Variants in RARB observed in about 807,000 individuals in gnomAD.
RARB encodes retinoic acid receptor beta.
A neutral mutation model predicts 51.9 loss-of-function variants in RARB; 17 were observed. The ratio of observed to expected loss-of-function variants is 0.33; its 90% CI spans 0.22 to 0.49. The LOEUF is 0.49. RARB is among the 20% of genes least tolerant of loss of function. The pLI is 0.99. For synonymous variants in RARB, 215 were observed against 195.4 expected (o/e 1.10, Z -0.84); for missense variants, 369 against 550.8 (o/e 0.67, Z 3.30).
rs577984255 is a variant in RARB, at chr3:25,350,110, AG to A, written c.179-111081del. On this transcript the variant is annotated intron_variant, in intron 5 of 11. Coordinates refer to the RARB transcript ENST00000383772. ...AAGCAGAAACTACCAGACTTTCTGT[AG>A]GCTTAAGCTTGGAACTGGCCCATCA... Among the ~76,000 whole-genome samples the A allele has an allele frequency of 1.7e-3, 266 of 152,250 alleles. 1 individual carries two copies. Among genetic ancestry groups the A allele is most frequent in the African/African-American group, 5.9e-3 (245 of 41,542 alleles).
At chr3:25,388,478 A>G (rs762158255) in intron 5 of RARB, among the ~76,000 whole-genome samples, 61 of 152,334 alleles carry the variant, frequency 4.0e-4, no homozygotes, top group Non-Finnish European at 6.5e-4. Context: ...ATTATGCTTG[A>G]AAGCATTAGT....
chr3:25,213,628 T>A (rs1460767278), intron 5 of RARB, among the ~76,000 whole-genome samples: 2 of 152,214 alleles, frequency 1.3e-5, no homozygotes, highest in African/African-American at 4.8e-5. Context: ...CTTATTAGTT[T>A]CTGCTGAACA....
At chr3:25,563,116 A>G (rs533608550) in intron 3 of RARB, among the ~76,000 whole-genome samples, 46 of 152,288 alleles carry the variant, frequency 3.0e-4, no homozygotes, top group African/African-American at 9.9e-4. Context: ...TCCTTGCTCA[A>G]TTGCTGGCAC....
At chr3:25,371,075 G>A (rs921770873) in intron 5 of RARB, among the ~76,000 whole-genome samples, 10 of 152,060 alleles carry the variant, frequency 6.6e-5, no homozygotes, top group Non-Finnish European at 8.8e-5. Flanking sequence ...GATTTCTCCT[G>A]CAGGTCTTTA....
chr3:25,056,627 C>T (rs985756627), intron 2 of RARB, among the ~76,000 whole-genome samples: 1 of 152,028 alleles, frequency 6.6e-6, no homozygotes, highest in Non-Finnish European at 1.5e-5. Context: ...ATAATGAATT[C>T]TTTAGTATAT....
Position 25,011,664 on chromosome 3 carries a change from C to T in RARB, c.-379-48461C>T, listed in dbSNP as rs578132935. ...GATCCAGGTCATTCATCTGTGCATCCATTCACTTACTCCTCAGCTCTTATC... is the reference window on the plus strand; with the variant it reads ...GATCCAGGTCATTCATCTGTGCATCTATTCACTTACTCCTCAGCTCTTATC... On this transcript the variant is annotated intron_variant, in intron 2 of 11. Coordinates refer to the RARB transcript ENST00000383772. Among the ~76,000 whole-genome samples the T allele has an allele frequency of 2.6e-5, 4 of 152,182 alleles. No homozygotes were observed. The South Asian group carries it at 6.2e-4, about 24-fold the overall frequency.
intron 5 of RARB, among the ~76,000 whole-genome samples, chr3:25,246,175 A>G (rs994221799): frequency 2.0e-5 from 3 of 152,014 alleles, no homozygotes; most frequent in Non-Finnish European, 4.4e-5. Context: ...CCATCAGGTC[A>G]TGTATGTTCT....
At chr3:25,572,484 C>T (rs34693819) in intron 4 of RARB, among the ~76,000 whole-genome samples, 13,996 of 152,102 alleles carry the variant, frequency 0.092, 1,059 homozygotes, top group African/African-American at 0.21. Context: ...CCCCTTGTCT[C>T]TTAGTCAACA....
chr3:25,106,992 C>G (rs568787395), intron 3 of RARB, among the ~76,000 whole-genome samples: 24 of 151,860 alleles, frequency 1.6e-4, no homozygotes, highest in Non-Finnish European at 2.6e-4. Context: ...CCTCCGCCTC[C>G]CGGGTTCAAG....
chr3:25,347,087 T>A (rs533849151), intron 5 of RARB, among the ~76,000 whole-genome samples: 1 of 152,192 alleles, frequency 6.6e-6, no homozygotes, highest in Non-Finnish European at 1.5e-5. Context: ...CGGGAAAACA[T>A]ACCAGATTAC....
chr3:25,112,622 A>T (rs1362763063), intron 3 of RARB, among the ~76,000 whole-genome samples: 1 of 151,912 alleles, frequency 6.6e-6, no homozygotes, highest in Non-Finnish European at 1.5e-5. Flanking sequence ...ACAAATAATA[A>T]AAAAAATTAG....
At chr3:25,574,286 C>T (rs12636182) in intron 4 of RARB, among the ~76,000 whole-genome samples, 22,741 of 152,112 alleles carry the variant, frequency 0.15, 1,715 homozygotes, top group East Asian at 0.25. Flanking sequence ...TCATCATTTG[C>T]ACCTCAGCTC....
intron 2 of RARB, among the ~76,000 whole-genome samples, chr3:24,885,414 G>A (rs1011389742): frequency 6.6e-6 from 1 of 152,178 alleles, no homozygotes; most frequent in Non-Finnish European, 1.5e-5. Flanking sequence ...TGAACAAAAT[G>A]AGTTTTAATG....
intron 3 of RARB, among the ~76,000 whole-genome samples, chr3:25,546,427 C>A (rs577075116): frequency 3.3e-5 from 5 of 152,162 alleles, no homozygotes; most frequent in African/African-American, 1.2e-4. Context: ...GGTGCTGGGG[C>A]CCTGGAGAGC....
chr3:24,839,247 A>G (rs1264669526), intron 1 of RARB, among the ~76,000 whole-genome samples: 1 of 152,134 alleles, frequency 6.6e-6, no homozygotes, highest in Non-Finnish European at 1.5e-5. Flanking sequence ...AAATATAAAC[A>G]AAAAATAAGG....
intron 3 of RARB, among the ~76,000 whole-genome samples, chr3:25,094,445 A>C (rs911811753): frequency 6.6e-6 from 1 of 152,136 alleles, no homozygotes; most frequent in East Asian, 1.9e-4. Flanking sequence ...GACCAGGAGC[A>C]GTAGCTCACA....
chr3:25,474,990 A>T (rs1247788890), intron 2 of RARB, among the ~76,000 whole-genome samples: 1 of 152,178 alleles, frequency 6.6e-6, no homozygotes, highest in African/African-American at 2.4e-5. Flanking sequence ...AGATCTGTGC[A>T]AAATTATGAA....
intron 1 of RARB, among the ~76,000 whole-genome samples, chr3:25,436,135 G>T (rs1438771895): frequency 6.6e-6 from 1 of 152,150 alleles, no homozygotes; most frequent in Non-Finnish European, 1.5e-5. Context: ...ATCTTCTCCT[G>T]AGCACCTTTC....
At chr3:25,074,512 A>G (rs1698831891) in intron 3 of RARB, among the ~76,000 whole-genome samples, 1 of 152,066 alleles carries the variant, frequency 6.6e-6, no homozygotes, top group African/African-American at 2.4e-5. Flanking sequence ...CCCAAATCAC[A>G]TGCCACATCT....
Sources: gnomAD v4.1 joint callset for allele counts (sites outside exome capture counted in the v4.1 genomes callset) on GRCh38, gnomAD v4.1.1 for gene constraint, MANE v1.5 for transcripts, NCBI Gene and HGNC (gene_info 2026-07-23, HGNC 2026-07-21) for gene names.